GCM1: variants seen among roughly 807,000 people sequenced by gnomAD.
GCM1 encodes the protein GCM transcription factor 1.
In GCM1, 2 loss-of-function variants were observed where a neutral mutation model predicts 25.7. The observed-to-expected ratio is 0.08, with a 90% CI of 0.03 to 0.24. GCM1 has a LOEUF of 0.24. Among genes scored for constraint, GCM1 ranks in the 10% least tolerant of loss-of-function variants. The pLI is 1.00. For missense variants in GCM1, 395 were observed against 538.7 expected, an observed-to-expected ratio of 0.73 and a Z score of 2.64; for synonymous variants, 183 against 195.7, an observed-to-expected ratio of 0.94 and a Z score of 0.54.
At chr6:53,147,426 T>TTTTG (rs1554189547) in intron 1 of GCM1, among the ~76,000 whole-genome samples, 1 of 4,184 alleles carries the variant, frequency 2.4e-4, no homozygotes, top group Non-Finnish European at 8.8e-4. Context: ...GTTTTTATTG[T>TTTTG]TTTTTTTTTT....
intron 1 of GCM1, among the ~76,000 whole-genome samples, chr6:53,147,484 A>G (rs1283326365): frequency 7.2e-6 from 1 of 139,806 alleles, no homozygotes. Flanking sequence ...GCTGGAGTGC[A>G]GTGGCGCAAT....
chr6:53,128,286 C>G lies in GCM1; in HGVS notation c.1231G>C (p.Asp411His). 1 of 1,613,698 alleles carries G rather than the reference C, an allele frequency of 6.2e-7. No homozygotes were observed. The highest frequency in any genetic ancestry group is 8.5e-7 in the Non-Finnish European group (1 of 1,179,804). The change falls in exon 6 of 6, where the codon GAT becomes CAT. Residue 411 changes from aspartate (D) to histidine (H), a missense_variant. Physicochemically the swap from Asp to His is moderately conservative, Grantham distance 81 (BLOSUM62 -1). This residue lies in a region of GCM1 where 291 missense variants were observed against 314.6 expected (regional missense o/e 0.92). Transcript: ENST00000259803. ...YSLPSKSSKW[D>H]FEEEMTYLGL... ...AAGTATGTCATTTCTTCCTCAAAAT[C>G]CCATTTGCTGCTCTTGCTTGGCAGT... is the stretch of plus-strand genomic sequence containing the variant.
chr6:53,132,732 C>G (rs1387279328), intron 3 of GCM1, among the ~76,000 whole-genome samples: 2 of 152,038 alleles, frequency 1.3e-5, no homozygotes, highest in African/African-American at 4.8e-5. Flanking sequence ...AAGAGAAGTT[C>G]TTTCACTTCA....
intron 1 of GCM1, among the ~76,000 whole-genome samples, chr6:53,147,943 C>G (rs958378610): frequency 6.6e-6 from 1 of 152,082 alleles, no homozygotes; most frequent in Non-Finnish European, 1.5e-5. Flanking sequence ...AAATAAAGTT[C>G]TTGACCATTA....
At chr6:53,130,981 CTG>C (rs1763716734) in intron 4 of GCM1, 50 bp from the exon 5 acceptor site, 1 of 1,532,634 alleles carries the variant, frequency 6.5e-7, no homozygotes, top group Non-Finnish European at 9.0e-7. Context: ...ACTAACTAGA[CTG>C]TGTTTCATGG....
chr6:53,139,593 C>T lies in GCM1; in HGVS notation c.76-5269G>A, dbSNP rs577930695. On this transcript the variant is annotated intron_variant, in intron 2 of 5. Coordinates refer to ENST00000259803, the MANE Select transcript of GCM1 (RefSeq NM_003643.4). The stretch of plus-strand genomic sequence containing the variant: ...AGATCAAGACTCAGGACAGGCCAGG[C>T]GCGGTGGCTCAGGCCTGTAATCCCG... Among the ~76,000 whole-genome samples the T allele has an allele frequency of 1.2e-4, 18 of 151,902 alleles. No homozygotes were observed. The East Asian group carries it at 2.5e-3, about 21-fold the overall frequency.
intron 4 of GCM1, 110 bp from the exon 5 acceptor site, chr6:53,131,041 C>A: frequency 2.0e-6 from 2 of 1,011,516 alleles, no homozygotes; most frequent in East Asian, 2.4e-5. Flanking sequence ...GGTGGTGTTG[C>A]AGTTGCCTAT....
At chr6:53,135,055 T>G (rs1763779815) in intron 2 of GCM1, among the ~76,000 whole-genome samples, 1 of 152,252 alleles carries the variant, frequency 6.6e-6, no homozygotes, top group African/African-American at 2.4e-5. Context: ...AGAGCTTGTT[T>G]TGACTGAAAG....
chr6:53,131,316 C>T (rs967431884), intron 4 of GCM1, among the ~76,000 whole-genome samples: 2 of 152,200 alleles, frequency 1.3e-5, no homozygotes, highest in African/African-American at 4.8e-5. Flanking sequence ...ATTACGCCAG[C>T]TGGGTAACCT....
chr6:53,132,167 G>A, intron 3 of GCM1, 48 bp from the exon 4 acceptor site: 3 of 1,155,058 alleles, frequency 2.6e-6, no homozygotes, highest in Non-Finnish European at 3.9e-6. Flanking sequence ...AACCATGTCG[G>A]TTGTTGACTC....
intron 3 of GCM1, 37 bp downstream of exon 3, chr6:53,134,035 G>A (rs1249594438): frequency 6.3e-7 from 1 of 1,598,248 alleles, no homozygotes; most frequent in Admixed American, 1.7e-5. Flanking sequence ...TCTGAGGGAT[G>A]CCAGCTTTTT....
intron 2 of GCM1, 41 bp from the exon 3 acceptor site, chr6:53,134,365 A>G (rs776682448): frequency 4.1e-5 from 66 of 1,594,508 alleles, no homozygotes; most frequent in Non-Finnish European, 5.3e-5. Flanking sequence ...TTTAAGCTAG[A>G]AAACACAGCT....
intron 2 of GCM1, among the ~76,000 whole-genome samples, chr6:53,139,992 C>T (rs1763851964): frequency 6.6e-6 from 1 of 152,152 alleles, no homozygotes; most frequent in African/African-American, 2.4e-5. Flanking sequence ...CTTTTCCCTC[C>T]ACCCAGCTAA....
chr6:53,128,662 G>A lies in GCM1; in HGVS notation c.855C>T (p.Ser285=), dbSNP rs190371776. The A allele has an allele frequency of 2.5e-5, 41 of 1,613,834 alleles. No individual in the cohort carries two copies. Among genetic ancestry groups the A allele is most frequent in the African/African-American group, 1.7e-4 (13 of 75,020 alleles). Residue 285 remains serine (S), a synonymous_variant, in exon 6 of 6, where the codon TCC becomes TCT. Coordinates refer to ENST00000259803, the MANE Select transcript of GCM1 (RefSeq NM_003643.4). ...SSGDLLPPSA[S]GVYSDHGDLQ... ...GATCGCCATGATCAGAGTAGACTCCGGAGGCAGAAGGAGGAAGCAGGTCTC... is the reference window on the plus strand; with the variant it reads ...GATCGCCATGATCAGAGTAGACTCCAGAGGCAGAAGGAGGAAGCAGGTCTC...
intron 2 of GCM1, among the ~76,000 whole-genome samples, chr6:53,142,966 C>T (rs546291235): frequency 1.4e-5 from 2 of 140,520 alleles, no homozygotes; most frequent in South Asian, 2.4e-4. Flanking sequence ...TTTCATAATA[C>T]ACCCCTCTGT....
chr6:53,139,201 C>A (rs1763840493), intron 2 of GCM1, among the ~76,000 whole-genome samples: 2 of 151,432 alleles, frequency 1.3e-5, no homozygotes, highest in Non-Finnish European at 2.9e-5. Flanking sequence ...TATAGAGGTA[C>A]AAAAATCAGA....
intron 2 of GCM1, among the ~76,000 whole-genome samples, chr6:53,141,342 C>T (rs1251439026): frequency 6.6e-6 from 1 of 152,176 alleles, no homozygotes; most frequent in Non-Finnish European, 1.5e-5. Flanking sequence ...TAGTTAAAGA[C>T]ACATGGAGTT....
chr6:53,128,710 G>A lies in GCM1; in HGVS notation c.807C>T (p.Ser269=). The A allele has an allele frequency of 1.2e-6, 2 of 1,614,106 alleles. No individual in the cohort carries two copies. Among genetic ancestry groups the A allele is most frequent in the Non-Finnish European group, 1.7e-6 (2 of 1,179,938 alleles). The change falls in exon 6 of 6, where the codon TCC becomes TCT. Residue 269 remains serine, a synonymous_variant. Transcript: ENST00000259803. ...PMKLYEKRKL[S]SSRTYSSGDL... is the part of the protein sequence containing the mutation. ...CTCCACTACTGTAGGTTCTGCTACTGGACAATTTGCGCTTTTCATAGAGCT... is the reference window on the plus strand; with the variant it reads ...CTCCACTACTGTAGGTTCTGCTACTAGACAATTTGCGCTTTTCATAGAGCT...
In GCM1 at chr6:53,127,443, C is replaced by A. The variant is rs565934604; in HGVS notation, c.*763G>T. ...GTGGTAGAATCTTCAGCTTTTCACA[C>A]CTTAGGCAGTTCTTCCACCATCTAT... On this transcript the variant is annotated 3_prime_UTR_variant, in exon 6 of 6. Transcript: ENST00000259803. 1 of 152,212 alleles carries A rather than the reference C, an allele frequency of 6.6e-6. No homozygotes were observed. The highest frequency in any genetic ancestry group is 1.5e-5 in the Non-Finnish European group (1 of 68,042). The allele number at this position is 152,212 out of a possible 1,614,324, so 9.4% of individuals were successfully genotyped here.
Sources: allele counts gnomAD v4.1 joint callset (sites outside exome capture counted in the v4.1 genomes callset), GRCh38; gene constraint gnomAD v4.1.1; regional missense constraint gnomAD v4.1.1; transcripts MANE v1.5; gene names NCBI Gene and HGNC (gene_info 2026-07-23, HGNC 2026-07-21).